HSPA12A: variants seen among roughly 807,000 people sequenced by gnomAD.
The protein encoded by HSPA12A is heat shock 70 kDa protein 12A.
In HSPA12A, 28 loss-of-function variants were observed where a neutral mutation model predicts 69.2. The observed-to-expected ratio is 0.40, with a 90% CI of 0.30 to 0.55. The LOEUF (loss-of-function observed/expected upper bound fraction) is 0.55, where lower values mean the gene tolerates loss of function less well. HSPA12A is among the 20% of genes least tolerant of loss of function. The probability of loss-of-function intolerance (pLI) is 0.38; values close to 1 mark genes in which losing one functional copy is unlikely to be tolerated. For missense variants in HSPA12A, 686 were observed against 900.7 expected (o/e 0.76, Z 3.05); for synonymous variants, 345 against 370.5 (o/e 0.93, Z 0.79).
intron 2 of HSPA12A, among the ~76,000 whole-genome samples, chr10:116,811,579 T>TAAAAAAAAAAAAAAAAAAA (rs60912684): frequency 7.6e-5 from 8 of 105,930 alleles, no homozygotes; most frequent in African/African-American, 3.0e-4. Context: ...TTGCTTTTGT[T>TAAAAAAAAAAAAAAAAAAA]AAAAAAAAAA....
At chr10:116,768,521 G>A (rs1404369240) in intron 2 of HSPA12A, among the ~76,000 whole-genome samples, 4 of 152,082 alleles carry the variant, frequency 2.6e-5, no homozygotes, top group Non-Finnish European at 5.9e-5. Flanking sequence ...CAATTTATTT[G>A]ACCCTGTCTC....
At chr10:116,699,392 G>T (rs975354290) in intron 4 of HSPA12A, among the ~76,000 whole-genome samples, 1 of 152,134 alleles carries the variant, frequency 6.6e-6, no homozygotes, top group Non-Finnish European at 1.5e-5. Context: ...ATTAAAAAAT[G>T]ATGAGAAAAG....
At chr10:116,757,686 A>G (rs1027700051) in intron 2 of HSPA12A, among the ~76,000 whole-genome samples, 4 of 152,182 alleles carry the variant, frequency 2.6e-5, no homozygotes, top group Admixed American at 6.5e-5. Flanking sequence ...ACTGCTTGGT[A>G]CCTTGGTTTG....
chr10:116,819,189 C>T (rs190980658), intron 2 of HSPA12A, among the ~76,000 whole-genome samples: 195 of 152,306 alleles, frequency 1.3e-3, no homozygotes, highest in African/African-American at 4.2e-3. Flanking sequence ...GAGATTCAGC[C>T]TTTGCTTTCC....
rs1850282650 is a variant in HSPA12A, at chr10:116,707,187, ACAC to A, written c.126+10_126+12del. On this transcript the variant is annotated intron_variant, in intron 2 of 11. Coordinates refer to ENST00000369209, the MANE Select transcript of HSPA12A (RefSeq NM_025015.3). Reference sequence around the variant, plus strand: ...CACACACACACACACACACACACACACACACTTCTTACCACAATATGGGAGGGG... The same window carrying A: ...CACACACACACACACACACACACACAACTTCTTACCACAATATGGGAGGGG... 2 of 1,567,118 alleles carry A rather than the reference ACAC, an allele frequency of 1.3e-6. No homozygotes were observed. The highest frequency in any genetic ancestry group is 1.7e-6 in the Non-Finnish European group (2 of 1,147,338).
At chr10:116,848,665 T>C (rs1217192962) in intron 1 of HSPA12A, among the ~76,000 whole-genome samples, 1 of 152,018 alleles carries the variant, frequency 6.6e-6, no homozygotes, top group Non-Finnish European at 1.5e-5. Context: ...ACCTGGCAGG[T>C]ACAATGAAGC....
chr10:116,803,954 C>T (rs562350729), intron 2 of HSPA12A, among the ~76,000 whole-genome samples: 1 of 152,224 alleles, frequency 6.6e-6, no homozygotes, highest in Admixed American at 6.5e-5. Context: ...ATTAGGTCCC[C>T]CAGTAAAAGA....
At chr10:116,802,062 G>C (rs577943908) in intron 2 of HSPA12A, among the ~76,000 whole-genome samples, 2 of 152,174 alleles carry the variant, frequency 1.3e-5, no homozygotes, top group Non-Finnish European at 2.9e-5. Flanking sequence ...GCTCTGGCAC[G>C]GGCCTTTGGG....
chr10:116,800,010 A>G (rs562025394), intron 2 of HSPA12A, among the ~76,000 whole-genome samples: 10 of 152,262 alleles, frequency 6.6e-5, no homozygotes, highest in South Asian at 2.1e-4. Context: ...CAGGGTATCA[A>G]TGAAGAAACC....
chr10:116,722,888 G>T (rs1436936247), intron 1 of HSPA12A, among the ~76,000 whole-genome samples: 1 of 152,132 alleles, frequency 6.6e-6, no homozygotes, highest in Non-Finnish European at 1.5e-5. Flanking sequence ...CCCTGAAGGG[G>T]GTGGGGGAAG....
intron 2 of HSPA12A, among the ~76,000 whole-genome samples, chr10:116,820,210 T>C (rs925381568): frequency 1.3e-5 from 2 of 152,090 alleles, no homozygotes; most frequent in Non-Finnish European, 2.9e-5. Flanking sequence ...AGCAAAATAT[T>C]TTAAAAAATT....
intron 2 of HSPA12A, chr10:116,831,323 T>C (rs190477675): frequency 1.3e-5 from 2 of 152,116 alleles, no homozygotes; most frequent in African/African-American, 4.8e-5. Context: ...TGACATGGGG[T>C]TGAATCTTTC....
chr10:116,708,420 G>A (rs1018708422), intron 1 of HSPA12A, among the ~76,000 whole-genome samples: 1 of 152,202 alleles, frequency 6.6e-6, no homozygotes, highest in Non-Finnish European at 1.5e-5. Flanking sequence ...TGCTTCTAGG[G>A]GAGCAGGTGG....
intron 2 of HSPA12A, among the ~76,000 whole-genome samples, chr10:116,756,621 T>G (rs1335973504): frequency 6.6e-6 from 1 of 152,236 alleles, no homozygotes; most frequent in East Asian, 1.9e-4. Flanking sequence ...CTCAGCCTGT[T>G]CTGAATCTTG....
intron 1 of HSPA12A, among the ~76,000 whole-genome samples, chr10:116,714,024 A>G (rs567538364): frequency 1.4e-5 from 2 of 138,744 alleles, no homozygotes; most frequent in Non-Finnish European, 3.0e-5. Flanking sequence ...AGATGGATGG[A>G]TGGATGGATG....
intron 1 of HSPA12A, among the ~76,000 whole-genome samples, chr10:116,730,676 G>A (rs1485736593): frequency 2.0e-5 from 3 of 152,226 alleles, no homozygotes; most frequent in African/African-American, 4.8e-5. Flanking sequence ...CTGGCCCTGG[G>A]TGACTCCTTC....
intron 2 of HSPA12A, among the ~76,000 whole-genome samples, chr10:116,777,146 C>A (rs1474015613): frequency 2.0e-5 from 3 of 152,154 alleles, no homozygotes; most frequent in African/African-American, 7.2e-5. Flanking sequence ...CCCTTTTCTT[C>A]CCTGCCTCGT....
At chr10:116,761,591 C>T (rs576703612) in intron 2 of HSPA12A, among the ~76,000 whole-genome samples, 4 of 147,286 alleles carry the variant, frequency 2.7e-5, no homozygotes, top group South Asian at 2.2e-4. Flanking sequence ...AAAAAAAAAA[C>T]GAAGAAATTA....
intron 1 of HSPA12A, among the ~76,000 whole-genome samples, chr10:116,841,932 A>T: frequency 6.6e-6 from 1 of 152,190 alleles, no homozygotes; most frequent in South Asian, 2.1e-4. Context: ...CCAATAATTA[A>T]CGTAAAGTCA....
Sources: gnomAD v4.1 joint callset for allele counts (sites outside exome capture counted in the v4.1 genomes callset) on GRCh38, gnomAD v4.1.1 for gene constraint, MANE v1.5 for transcripts, NCBI Gene and HGNC (gene_info 2026-07-23, HGNC 2026-07-21) for gene names.